IGFL1: variants seen among roughly 807,000 people sequenced by gnomAD.
The protein encoded by IGFL1 is IGF like family member 1, also known as insulin growth factor-like family member 1.
IGFL1 carries 16 observed loss-of-function variants against 16.0 expected under a neutral mutation model. The observed-to-expected ratio is 1.00, with a 90% CI of 0.68 to 1.52. The LOEUF (loss-of-function observed/expected upper bound fraction) is 1.52, where lower values mean the gene tolerates loss of function less well. IGFL1 is among the 40% of genes most tolerant of loss of function. IGFL1 has a pLI of 0.00. For missense variants in IGFL1, 149 were observed against 141.7 expected (o/e 1.05, Z -0.26); for synonymous variants, 59 against 54.0 (o/e 1.09, Z -0.41).
At chr19:46,229,966 C>T in intron 1 of IGFL1, 142 bp from the exon 2 acceptor site, 1 of 1,214,664 alleles carries the variant, frequency 8.2e-7, no homozygotes, top group Non-Finnish European at 1.2e-6. Flanking sequence ...CCCAGATCAG[C>T]CCCATCCACA....
At position 46,230,450 on chromosome 19, in the gene IGFL1, T is replaced by C; in HGVS notation, c.256T>C (p.Phe86Leu). ...VCFEQCCPWT[F>L]MVKLINQNCD... ...CTTTGAGCAGTGCTGCCCCTGGACC[T>C]TCATGGTGAAGCTGATAAACCAGAA... Residue 86 changes from phenylalanine to leucine, a missense_variant, in exon 3 of 4, where the codon TTC (phenylalanine) becomes CTC (leucine). Coordinates refer to ENST00000437936, the MANE Select transcript of IGFL1 (RefSeq NM_198541.2). The C allele has an allele frequency of 6.2e-7, 1 of 1,614,026 alleles. No homozygotes were observed. Among genetic ancestry groups the C allele is most frequent in the African/African-American group, 1.3e-5 (1 of 75,050 alleles).
Position 46,230,244 on chromosome 19 carries a change from C to G in IGFL1, c.80-30C>G. 5 of 1,613,770 alleles carry G rather than the reference C, an allele frequency of 3.1e-6. No homozygotes were observed. The South Asian group carries it at 5.5e-5, about 18-fold the overall frequency. Reference sequence around the variant, plus strand: ...GGCTGGGACCCACCTGCCACTACCTCCTGGATCTCACCAGCTCTGTCTCCT... The same window carrying G: ...GGCTGGGACCCACCTGCCACTACCTGCTGGATCTCACCAGCTCTGTCTCCT... On this transcript the variant is annotated intron_variant, in intron 2 of 3. Coordinates refer to ENST00000437936, the MANE Select transcript of IGFL1 (RefSeq NM_198541.2).
At position 46,231,056 on chromosome 19, in the gene IGFL1, T is replaced by C. The variant is rs553960282; in HGVS notation, c.*226T>C. ...AGAATTCTGGACAGCATGAGATGCG[T>C]GTGCTGATGGGGGCCCAGGGACTCT... On this transcript the variant is annotated 3_prime_UTR_variant, in exon 4 of 4. Transcript: ENST00000437936. 8.1e-6 allele frequency: 5 copies of C among 617,816 alleles called. No individual in the cohort carries two copies. The highest frequency in any genetic ancestry group is 7.3e-5 in the South Asian group (4 of 54,748). The allele number at this position is 617,816 out of a possible 1,614,324, so 38.3% of individuals were successfully genotyped here.
chr19:46,230,245 C>T, intron 2 of IGFL1, 29 bp from the exon 3 acceptor site: 1 of 1,613,750 alleles, frequency 6.2e-7, no homozygotes, highest in Non-Finnish European at 8.5e-7. Context: ...CCACTACCTC[C>T]TGGATCTCAC....
In IGFL1 at chr19:46,230,076, C is replaced by T. The variant is rs776709527; in HGVS notation, c.26-32C>T. ...TGCCAGTCATATCTGTGGCTGTCCACTCACCCCATCTTCCCTTTCCCTTTC... is the reference window on the plus strand; with the variant it reads ...TGCCAGTCATATCTGTGGCTGTCCATTCACCCCATCTTCCCTTTCCCTTTC... On this transcript the variant is annotated intron_variant, in intron 1 of 3. Coordinates refer to ENST00000437936, the MANE Select transcript of IGFL1 (RefSeq NM_198541.2). 2.5e-6 allele frequency: 4 copies of T among 1,609,594 alleles called. No individual in the cohort carries two copies. In the South Asian group the frequency reaches 3.3e-5, roughly 13 times the overall value.
chr19:46,230,709 C>T (rs1037896818), intron 3 of IGFL1, 112 bp from the exon 4 acceptor site: 35 of 1,390,658 alleles, frequency 2.5e-5, no homozygotes, highest in South Asian at 8.4e-5. Flanking sequence ...CTCTCTACCC[C>T]GCTGTCCTCT....
At chr19:46,229,935 A>G in intron 1 of IGFL1, 136 bp downstream of exon 1, 1 of 1,245,284 alleles carries the variant, frequency 8.0e-7, no homozygotes, top group Non-Finnish European at 1.2e-6. Flanking sequence ...AATTGCTCAC[A>G]GCAATTCCCC....
chr19:46,230,765 C>A (rs73051957), intron 3 of IGFL1, 56 bp from the exon 4 acceptor site: 7 of 1,590,724 alleles, frequency 4.4e-6, no homozygotes, highest in Non-Finnish European at 5.2e-6. Context: ...TCAGTCTCGC[C>A]CCCATCTCTG....
rs1421131265 is a variant in IGFL1, at chr19:46,230,945, A to G, written c.*115A>G. ...GAGTGGCTGTTTGGGGGCCAGAGAA[A>G]CACACACTCAACTGCCCACTTCATT... On this transcript the variant is annotated 3_prime_UTR_variant, in exon 4 of 4. Coordinates refer to ENST00000437936, the MANE Select transcript of IGFL1 (RefSeq NM_198541.2). The G allele has an allele frequency of 9.5e-7, 1 of 1,055,880 alleles. No homozygotes were observed. Among genetic ancestry groups the G allele is most frequent in the African/African-American group, 1.6e-5 (1 of 63,224 alleles). The allele number at this position is 1,055,880 out of a possible 1,614,324, so 65.4% of individuals were successfully genotyped here.
Position 46,230,440 on chromosome 19 carries a change from C to T in IGFL1, c.246C>T (p.Cys82=). The T allele has an allele frequency of 6.2e-7, 1 of 1,614,032 alleles. No homozygotes were observed. The highest frequency in any genetic ancestry group is 8.5e-7 in the Non-Finnish European group (1 of 1,179,900). ...TCAGAGTCTGCTTTGAGCAGTGCTG[C>T]CCCTGGACCTTCATGGTGAAGCTGA... ...CTFRVCFEQC[C]PWTFMVKLIN... is the part of the protein sequence containing the mutation. Residue 82 remains cysteine (C), a synonymous_variant, in exon 3 of 4, where the codon TGC becomes TGT. Coordinates refer to ENST00000437936, the MANE Select transcript of IGFL1 (RefSeq NM_198541.2).
At position 46,230,646 on chromosome 19, in the gene IGFL1, T is replaced by C. The variant is rs977068278; in HGVS notation, c.323+129T>C. On this transcript the variant is annotated intron_variant, in intron 3 of 3. Coordinates refer to ENST00000437936, the MANE Select transcript of IGFL1 (RefSeq NM_198541.2). ...TGCTTCTATTCAATCCACCTCTCCCTTTCCCTACACCTGTGTCTCCATCCA... is the reference window on the plus strand; with the variant it reads ...TGCTTCTATTCAATCCACCTCTCCCCTTCCCTACACCTGTGTCTCCATCCA... The C allele has an allele frequency of 6.9e-6, 10 of 1,451,106 alleles. No individual in the cohort carries two copies. In the Admixed American group the frequency reaches 8.6e-5, roughly 12 times the overall value. The allele number at this position is 1,451,106 out of a possible 1,614,324, so 89.9% of individuals were successfully genotyped here.
Position 46,230,476 on chromosome 19 carries a change from C to T in IGFL1, c.282C>T (p.Asn94=), listed in dbSNP as rs767934335. The change falls in exon 3 of 4, where the codon AAC becomes AAT. Residue 94 remains asparagine, a synonymous_variant. Transcript: ENST00000437936. ...TCATGGTGAAGCTGATAAACCAGAA[C>T]TGCGACTCAGCCCGGACCTCGGATG... The part of the protein sequence containing the change: ...WTFMVKLINQ[N]CDSARTSDDR... 6.2e-7 allele frequency: 1 copy of T among 1,613,946 alleles called. No homozygotes were observed. The highest frequency in any genetic ancestry group is 1.3e-5 in the African/African-American group (1 of 74,936).
chr19:46,230,454 T>C lies in IGFL1; in HGVS notation c.260T>C (p.Met87Thr), dbSNP rs529295951. ...GAGCAGTGCTGCCCCTGGACCTTCA[T>C]GGTGAAGCTGATAAACCAGAACTGC... ...CFEQCCPWTF[M>T]VKLINQNCDS... The change falls in exon 3 of 4, where the codon ATG (methionine) becomes ACG (threonine). Residue 87 changes from methionine to threonine, a missense_variant. By Grantham distance (81) the Met-to-Thr change is moderately conservative (BLOSUM62 -1). Transcript: ENST00000437936. 5.0e-6 allele frequency: 8 copies of C among 1,614,024 alleles called. No individual in the cohort carries two copies. Among genetic ancestry groups the C allele is most frequent in the African/African-American group, 2.7e-5 (2 of 75,038 alleles).
At position 46,230,907 on chromosome 19, in the gene IGFL1, G is replaced by T; in HGVS notation, c.*77G>T. On this transcript the variant is annotated 3_prime_UTR_variant, in exon 4 of 4. Coordinates refer to ENST00000437936, the MANE Select transcript of IGFL1 (RefSeq NM_198541.2). Reference sequence around the variant, plus strand: ...GGAGAAAGAGGCTGGTGTTACCTGAGATCTGGGATGCTGAGTGGCTGTTTG... The same window carrying T: ...GGAGAAAGAGGCTGGTGTTACCTGATATCTGGGATGCTGAGTGGCTGTTTG... 7.1e-7 allele frequency: 1 copy of T among 1,416,988 alleles called. No individual in the cohort carries two copies. Among genetic ancestry groups the T allele is most frequent in the Admixed American group, 1.9e-5 (1 of 52,584 alleles). 87.8% of individuals were successfully genotyped at this position (1,416,988 alleles called of 1,614,324 possible). A position where few individuals can be genotyped will look rare whatever the true frequency, so the allele number is the denominator to read the frequency against.
rs760637016 is a variant in IGFL1 at position 46,229,796 on chromosome 19, G to A, written c.22G>A (p.Val8Ile). Reference sequence around the variant, plus strand: ...AGCCATGGCTCCCCGAGGCTGCATCGTAGGTAAGGAGGACAGGACCCCATT... The same window carrying A: ...AGCCATGGCTCCCCGAGGCTGCATCATAGGTAAGGAGGACAGGACCCCATT... MAPRGCI[V>I]AVFAIFCISR... Residue 8 changes from valine (V) to isoleucine (I), a missense_variant, in exon 1 of 4, where the codon GTA becomes ATA. Coordinates refer to ENST00000437936, the MANE Select transcript of IGFL1 (RefSeq NM_198541.2). 17 of 1,606,710 alleles carry A rather than the reference G, an allele frequency of 1.1e-5. No homozygotes were observed. Among genetic ancestry groups the A allele is most frequent in the Admixed American group, 3.4e-5 (2 of 59,164 alleles).
Position 46,230,489 on chromosome 19 carries a change from C to G in IGFL1, c.295C>G (p.Arg99Gly). Residue 99 changes from arginine to glycine, a missense_variant, in exon 3 of 4, where the codon CGG (arginine) becomes GGG (glycine). Arg to Gly is a moderately radical substitution (Grantham distance 125). Transcript: ENST00000437936. ...GATAAACCAGAACTGCGACTCAGCC[C>G]GGACCTCGGATGACAGGCTTTGTCG... The part of the protein sequence containing the change: ...KLINQNCDSA[R>G]TSDDRLCRSV... 6.2e-7 allele frequency: 1 copy of G among 1,613,974 alleles called. No homozygotes were observed. Among genetic ancestry groups the G allele is most frequent in the Non-Finnish European group, 8.5e-7 (1 of 1,179,892 alleles).
chr19:46,230,137 C>A lies in IGFL1; in HGVS notation c.55C>A (p.Leu19Ile). Reference sequence around the variant, plus strand: ...CTTTGCCATTTTCTGCATCTCCAGGCTCCTCTGCTCACACGGAGCCCCAGG... The same window carrying A: ...CTTTGCCATTTTCTGCATCTCCAGGATCCTCTGCTCACACGGAGCCCCAGG... ...AVFAIFCISR[L>I]LCSHGAPVAP... The change falls in exon 2 of 4, where the codon CTC becomes ATC. Residue 19 changes from leucine (L) to isoleucine (I), a missense_variant. By Grantham distance (5) the Leu-to-Ile change is conservative. Coordinates refer to ENST00000437936, the MANE Select transcript of IGFL1 (RefSeq NM_198541.2). 6.2e-7 allele frequency: 1 copy of A among 1,613,924 alleles called. No homozygotes were observed. The highest frequency in any genetic ancestry group is 8.5e-7 in the Non-Finnish European group (1 of 1,179,890).
rs942599893 is a variant in IGFL1, at chr19:46,230,412, C to A, written c.218C>A (p.Thr73Asn). ...LARTQTCGNC[T>N]FRVCFEQCCP... Reference sequence around the variant, plus strand: ...AGGACCCAGACGTGTGGAAACTGCACCTTCAGAGTCTGCTTTGAGCAGTGC... The same window carrying A: ...AGGACCCAGACGTGTGGAAACTGCAACTTCAGAGTCTGCTTTGAGCAGTGC... Residue 73 changes from threonine to asparagine, a missense_variant, in exon 3 of 4, where the codon ACC becomes AAC. Physicochemically the swap from Thr to Asn is moderately conservative, Grantham distance 65. Transcript: ENST00000437936. The A allele has an allele frequency of 2.0e-5, 32 of 1,613,934 alleles. No individual in the cohort carries two copies. Among genetic ancestry groups the A allele is most frequent in the Non-Finnish European group, 2.5e-5 (29 of 1,179,906 alleles).
rs1292826426 is a variant in IGFL1 at position 46,229,919 on chromosome 19, G to C, written c.25+120G>C. 5 of 1,298,622 alleles carry C rather than the reference G, an allele frequency of 3.9e-6. No homozygotes were observed. In the African/African-American group the frequency reaches 7.3e-5, roughly 19 times the overall value. The allele number at this position is 1,298,622 out of a possible 1,614,324, so 80.4% of individuals were successfully genotyped here. A position where few individuals can be genotyped will look rare whatever the true frequency, so the allele number is the denominator to read the frequency against. ...GTTCCCATGCCCAGCCAAATCTCCA[G>C]GCGTGAATTGCTCACAGCAATTCCC... On this transcript the variant is annotated intron_variant, in intron 1 of 3. Coordinates refer to ENST00000437936, the MANE Select transcript of IGFL1 (RefSeq NM_198541.2).
Sources: gnomAD v4.1 joint callset for allele counts on GRCh38, gnomAD v4.1.1 for gene constraint, MANE v1.5 for transcripts, NCBI Gene and HGNC (gene_info 2026-07-23, HGNC 2026-07-21) for gene names.